The following ARMH4 variants were observed in gnomAD, a reference collection of about 807,000 sequenced individuals.
ARMH4 encodes the protein armadillo like helical domain containing 4, also known as armadillo-like helical domain-containing protein 4.
Under a neutral mutation model 61.9 loss-of-function variants are expected in ARMH4, and 49 were observed. The observed-to-expected ratio is 0.79, with a 90% CI of 0.63 to 1.00. The LOEUF is 1.00. Ranked by LOEUF, ARMH4 falls within the 50% of genes least tolerant of loss-of-function variation. The pLI, the probability that ARMH4 is intolerant of heterozygous loss-of-function variation, is 0.00. For synonymous variants in ARMH4, 368 were observed against 341.5 expected, an observed-to-expected ratio of 1.08 and a Z score of -0.85; for missense variants, 934 against 930.0, an observed-to-expected ratio of 1.00 and a Z score of -0.06.
rs1398123381 is a variant in ARMH4, at chr14:58,138,984, T to C, written c.375A>G (p.Val125=). Residue 125 remains valine, a synonymous_variant, in exon 2 of 8, where the codon GTA becomes GTG. Coordinates refer to ENST00000267485, the MANE Select transcript of ARMH4 (RefSeq NM_001001872.4). ...TTCTCTCTGGCTGGCTGGAACCAAA[T>C]ACTTCTTCAGCTGAGGGGACACCTG... ...TESGVPSAEE[V]FGSSQPERIS... 1.2e-6 allele frequency: 2 copies of C among 1,614,262 alleles called. No homozygotes were observed. Among genetic ancestry groups the C allele is most frequent in the Non-Finnish European group, 1.7e-6 (2 of 1,180,044 alleles).
At chr14:58,027,898 T>C (rs1204656790) in intron 5 of ARMH4, among the ~76,000 whole-genome samples, 2 of 152,232 alleles carry the variant, frequency 1.3e-5, no homozygotes, top group Admixed American at 1.3e-4. Flanking sequence ...GCAGAACTTT[T>C]CTGCCATCTA....
At position 58,138,494 on chromosome 14, in the gene ARMH4, T is replaced by A; in HGVS notation, c.865A>T (p.Ser289Cys). Residue 289 changes from serine to cysteine, a missense_variant, in exon 2 of 8, where the codon AGT becomes TGT. Coordinates refer to ENST00000267485, the MANE Select transcript of ARMH4 (RefSeq NM_001001872.4). ...YTLSVEPETD[S>C]LLGAPEVTVS... ...GTGACTTCTGGGGCTCCCAGCAGACTATCAGTTTCTGGCTCAACACTCAGG... is the reference window on the plus strand; with the variant it reads ...GTGACTTCTGGGGCTCCCAGCAGACAATCAGTTTCTGGCTCAACACTCAGG... The A allele has an allele frequency of 6.2e-7, 1 of 1,614,236 alleles. No homozygotes were observed. Among genetic ancestry groups the A allele is most frequent in the Non-Finnish European group, 8.5e-7 (1 of 1,180,036 alleles).
chr14:58,152,016 C>T (rs918559150), intron 1 of ARMH4, 59 bp downstream of exon 1: 2 of 152,528 alleles, frequency 1.3e-5, no homozygotes, highest in Non-Finnish European at 2.9e-5. Flanking sequence ...CCGTCCCTGC[C>T]CCGGCGCCAC....
intron 5 of ARMH4, among the ~76,000 whole-genome samples, chr14:58,054,644 T>C (rs1478975255): frequency 6.6e-6 from 1 of 152,042 alleles, no homozygotes; most frequent in Non-Finnish European, 1.5e-5. Context: ...ATGACTGTAA[T>C]CCCAACACTT....
chr14:58,105,314 TGGGGTCAA>T (rs1004919423), intron 4 of ARMH4, among the ~76,000 whole-genome samples: 1 of 152,126 alleles, frequency 6.6e-6, no homozygotes, highest in African/African-American at 2.4e-5. Flanking sequence ...CAAATAAGAA[TGGGGTCAA>T]GGTAAAAGAC....
At position 58,113,729 on chromosome 14, in the gene ARMH4, T is replaced by G. The variant is rs566314454; in HGVS notation, c.1832-16748A>C. ...TCTCTTTGTGCTACACTCTCTATAA[T>G]GTCTTCAAATTGATCTTCCAGTTCA... On this transcript the variant is annotated intron_variant, in intron 4 of 7. Coordinates refer to ENST00000267485, the MANE Select transcript of ARMH4 (RefSeq NM_001001872.4). Among the ~76,000 whole-genome samples the G allele has an allele frequency of 1.6e-4, 24 of 152,224 alleles. No homozygotes were observed. In the South Asian group the frequency reaches 5.0e-3, roughly 32 times the overall value.
chr14:58,071,402 C>A (rs1283088560), intron 5 of ARMH4, among the ~76,000 whole-genome samples: 4 of 151,962 alleles, frequency 2.6e-5, no homozygotes, highest in Non-Finnish European at 5.9e-5. Flanking sequence ...GAGCAAATAC[C>A]GATAGAATAA....
chr14:58,017,476 T>C (rs147041297), intron 5 of ARMH4, among the ~76,000 whole-genome samples: 225 of 152,274 alleles, frequency 1.5e-3, no homozygotes, highest in Middle Eastern at 6.8e-3. Flanking sequence ...AAATCAAGCA[T>C]TTCTATATCC....
intron 5 of ARMH4, among the ~76,000 whole-genome samples, chr14:58,081,128 A>AAT (rs1183078111): frequency 3.3e-5 from 5 of 151,770 alleles, no homozygotes; most frequent in Admixed American, 1.3e-4. Flanking sequence ...TAAATAAATA[A>AAT]AGAGTCTCTC....
In ARMH4 at chr14:58,133,102, G is replaced by A; in HGVS notation, c.1609C>T (p.Pro537Ser). The change falls in exon 3 of 8, where the codon CCC (proline) becomes TCC (serine). Residue 537 changes from proline to serine, a missense_variant. Physicochemically the swap from Pro to Ser is moderately conservative, Grantham distance 74 (BLOSUM62 -1). Coordinates refer to ENST00000267485, the MANE Select transcript of ARMH4 (RefSeq NM_001001872.4). ...CTCCCTTACAGACCTTCCACAGTGGGAGTAACTTCAAAAGACAAAGGGACG... is the reference window on the plus strand; with the variant it reads ...CTCCCTTACAGACCTTCCACAGTGGAAGTAACTTCAAAAGACAAAGGGACG... ...TVVPLSFEVT[P>S]TVEEQMDTVT... 6.2e-7 allele frequency: 1 copy of A among 1,614,164 alleles called. No homozygotes were observed. The highest frequency in any genetic ancestry group is 1.6e-4 in the Middle Eastern group (1 of 6,062).
chr14:58,027,643 T>C (rs1035633293), intron 5 of ARMH4, among the ~76,000 whole-genome samples: 1 of 152,186 alleles, frequency 6.6e-6, no homozygotes, highest in African/African-American at 2.4e-5. Context: ...TACCTGTGTG[T>C]GTGTGTGTGC....
chr14:58,131,300 T>C (rs79566991), intron 4 of ARMH4: 17,270 of 493,602 alleles, frequency 0.035, 410 homozygotes, highest in Non-Finnish European at 0.049. Flanking sequence ...CTTTTGACTT[T>C]TTTTTTCAAT....
chr14:58,146,162 G>C, intron 1 of ARMH4, among the ~76,000 whole-genome samples: 1 of 152,214 alleles, frequency 6.6e-6, no homozygotes, highest in Admixed American at 6.5e-5. Context: ...CAGAAGAAAT[G>C]CTCAGTAAAT....
At chr14:58,084,113 C>G (rs1437909142) in intron 5 of ARMH4, among the ~76,000 whole-genome samples, 1 of 152,014 alleles carries the variant, frequency 6.6e-6, no homozygotes, top group Non-Finnish European at 1.5e-5. Context: ...CCAGGACAGT[C>G]CTGGGGAGGT....
intron 4 of ARMH4, among the ~76,000 whole-genome samples, chr14:58,118,476 A>G (rs1293251011): frequency 1.1e-4 from 12 of 112,616 alleles, no homozygotes; most frequent in Admixed American, 9.7e-4. Flanking sequence ...GGAGAAATTC[A>G]TATCTTGGTC....
At chr14:58,142,259 T>G (rs1282065716) in intron 1 of ARMH4, among the ~76,000 whole-genome samples, 1 of 152,188 alleles carries the variant, frequency 6.6e-6, no homozygotes, top group African/African-American at 2.4e-5. Flanking sequence ...GCAAATGATG[T>G]GCACATGTGA....
chr14:58,032,620 C>G (rs1023423548), intron 5 of ARMH4, among the ~76,000 whole-genome samples: 1 of 152,146 alleles, frequency 6.6e-6, no homozygotes, highest in African/African-American at 2.4e-5. Context: ...CGGGTGATTT[C>G]TGCATTTCCA....
chr14:58,028,225 C>T (rs1253913627), intron 5 of ARMH4, among the ~76,000 whole-genome samples: 1 of 152,258 alleles, frequency 6.6e-6, no homozygotes, highest in African/African-American at 2.4e-5. Context: ...CTTGTGTGAT[C>T]TGTAATTTTT....
intron 5 of ARMH4, among the ~76,000 whole-genome samples, chr14:58,046,700 T>C (rs1883958441): frequency 6.6e-6 from 1 of 152,214 alleles, no homozygotes; most frequent in African/African-American, 2.4e-5. Context: ...TTTACCACCT[T>C]CTTAGCACAA....
Sources: gnomAD v4.1 joint callset for allele counts (sites outside exome capture counted in the v4.1 genomes callset) on GRCh38, gnomAD v4.1.1 for gene constraint, MANE v1.5 for transcripts, NCBI Gene and HGNC (gene_info 2026-07-23, HGNC 2026-07-21) for gene names.